The following ZFP64 variants were observed in gnomAD, a reference collection of about 807,000 sequenced individuals.
ZFP64 encodes the protein ZFP64 zinc finger protein.
A neutral mutation model predicts 51.6 loss-of-function variants in ZFP64; 14 were observed. That is an observed-to-expected ratio of 0.27 (90% CI 0.18 to 0.42). ZFP64 has a LOEUF of 0.42. ZFP64 is among the 10% of genes least tolerant of loss of function. The pLI, the probability that ZFP64 is intolerant of heterozygous loss-of-function variation, is 1.00. For missense variants in ZFP64, 754 were observed against 906.8 expected, an observed-to-expected ratio of 0.83 and a Z score of 2.16; for synonymous variants, 375 against 361.4, an observed-to-expected ratio of 1.04 and a Z score of -0.43.
At position 52,085,181 on chromosome 20, in the gene ZFP64, C is replaced by T; in HGVS notation, c.1314G>A (p.Gly438=). 2 of 1,614,230 alleles carry T rather than the reference C, an allele frequency of 1.2e-6. No individual in the cohort carries two copies. Among genetic ancestry groups the T allele is most frequent in the African/African-American group, 2.7e-5 (2 of 75,060 alleles). Reference sequence around the variant, plus strand: ...AGAACTCGCACTTGAAAGGCTTCTCCCCCGAGTGCACGATCATGTGCCTTT... The same window carrying T: ...AGAACTCGCACTTGAAAGGCTTCTCTCCCGAGTGCACGATCATGTGCCTTT... Residue 438 remains glycine (G), a synonymous_variant, in exon 9 of 9, where the codon GGG becomes GGA. Transcript: ENST00000361387. The surrounding 1 kb of genome is among the most constrained non-coding windows in gnomAD (Gnocchi z 4.3).
At chr20:52,101,517 GCAC>G (rs1200486042) in intron 5 of ZFP64, among the ~76,000 whole-genome samples, 4 of 152,284 alleles carry the variant, frequency 2.6e-5, no homozygotes, top group South Asian at 2.1e-4. Context: ...CCACAGGCAT[GCAC>G]CACCACATGC....
chr20:52,094,696 G>A (rs1042974162), intron 7 of ZFP64, among the ~76,000 whole-genome samples: 1 of 152,110 alleles, frequency 6.6e-6, no homozygotes, highest in Admixed American at 6.5e-5. Flanking sequence ...TTGCACTACT[G>A]CATTCCAGCC....
intron 5 of ZFP64, among the ~76,000 whole-genome samples, chr20:52,104,387 A>G (rs2079086969): frequency 6.6e-6 from 1 of 152,130 alleles, no homozygotes; most frequent in Admixed American, 6.5e-5. Flanking sequence ...TCCTTGCTAC[A>G]TCCTGTGTCC....
At chr20:52,156,178 T>C (rs1311640944) in intron 5 of ZFP64, among the ~76,000 whole-genome samples, 2 of 152,264 alleles carry the variant, frequency 1.3e-5, no homozygotes, top group African/African-American at 4.8e-5. Flanking sequence ...TATGCCAATG[T>C]CTGAACTTGC....
chr20:52,118,005 C>T (rs189719632), intron 5 of ZFP64, among the ~76,000 whole-genome samples: 10 of 152,100 alleles, frequency 6.6e-5, no homozygotes, highest in Non-Finnish European at 1.3e-4. Context: ...ACTACATTGC[C>T]CAGGCTGGTC....
intron 5 of ZFP64, among the ~76,000 whole-genome samples, chr20:52,139,500 G>C (rs1462390068): frequency 6.6e-6 from 1 of 152,138 alleles, no homozygotes; most frequent in Non-Finnish European, 1.5e-5. Flanking sequence ...GGTTCTACTT[G>C]AAGATGGAGG....
intron 2 of ZFP64, among the ~76,000 whole-genome samples, chr20:52,185,847 C>A (rs1318704399): frequency 5.3e-5 from 8 of 152,078 alleles, no homozygotes. Flanking sequence ...TCCCAAAGTG[C>A]TGGGATTACA....
chr20:52,109,767 C>T (rs187698828), intron 5 of ZFP64, among the ~76,000 whole-genome samples: 289 of 119,530 alleles, frequency 2.4e-3, no homozygotes, highest in African/African-American at 9.0e-3. Context: ...GGTGACACAG[C>T]GAAATTCCAC....
intron 5 of ZFP64, among the ~76,000 whole-genome samples, chr20:52,146,136 G>C (rs1433393207): frequency 6.6e-6 from 1 of 151,454 alleles, no homozygotes; most frequent in Non-Finnish European, 1.5e-5. Flanking sequence ...TGCAGGGTCA[G>C]GATCATCAAG....
rs1052756572 is a variant in ZFP64, at chr20:52,191,494, C to T, written c.46+97G>A. On this transcript the variant is annotated intron_variant, in intron 1 of 5. Transcript: ENST00000216923. The surrounding 1 kb of genome is among the most constrained non-coding windows in gnomAD (Gnocchi z 4.3). ...CGAGCCGTCACCCCGATTTCGGGGC[C>T]CCGGGCCTGCTGGCTGCGTCGCAGA... 6 of 1,368,192 alleles carry T rather than the reference C, an allele frequency of 4.4e-6. No homozygotes were observed. In the Admixed American group the frequency reaches 1.4e-4, roughly 31 times the overall value. 84.8% of individuals were successfully genotyped at this position (1,368,192 alleles called of 1,614,324 possible).
At chr20:52,173,483 G>C (rs1195490419) in intron 2 of ZFP64, among the ~76,000 whole-genome samples, 2 of 152,094 alleles carry the variant, frequency 1.3e-5, no homozygotes, top group Non-Finnish European at 2.9e-5. Context: ...AGCTAATTGT[G>C]GGGCTGAGGT....
At chr20:52,165,166 A>C (rs1188971901) in intron 3 of ZFP64, 1 of 458,802 alleles carries the variant, frequency 2.2e-6, no homozygotes, top group Admixed American at 2.3e-5. Context: ...CATTCTTTTG[A>C]TATTGGTAGA....
At chr20:52,105,363 C>G (rs1486478391) in intron 5 of ZFP64, 2 of 1,240,432 alleles carry the variant, frequency 1.6e-6, no homozygotes, top group Non-Finnish European at 2.0e-6. Flanking sequence ...GCTCATCAGC[C>G]GAGCAGGGCG....
In ZFP64 at chr20:52,084,436, G is replaced by A. The variant is rs1296263864; in HGVS notation, c.*121C>T. The A allele has an allele frequency of 5.0e-6, 5 of 993,650 alleles. No homozygotes were observed. In the East Asian group the frequency reaches 1.3e-4, roughly 26 times the overall value. The allele number at this position is 993,650 out of a possible 1,614,324, so 61.6% of individuals were successfully genotyped here. On this transcript the variant is annotated 3_prime_UTR_variant, in exon 9 of 9. Coordinates refer to the ZFP64 transcript ENST00000361387. ...GCCATCGCCTCTGAAGGCCTGTGAA[G>A]TTGGAGCGGCCAGCCCCAGAAGTGG...
intron 5 of ZFP64, among the ~76,000 whole-genome samples, chr20:52,125,647 G>C (rs7346642): frequency 0.2 from 30,362 of 152,146 alleles, 3,304 homozygotes; most frequent in Admixed American, 0.26. Context: ...GGAGTAGCTG[G>C]TGCCTGCCAG....
intron 7 of ZFP64, among the ~76,000 whole-genome samples, chr20:52,095,881 T>C (rs1398670422): frequency 6.6e-6 from 1 of 152,190 alleles, no homozygotes; most frequent in Non-Finnish European, 1.5e-5. Flanking sequence ...GAACAAGCAC[T>C]CAAGTTATTT....
rs566270337 is a variant in ZFP64, at chr20:52,118,440, C to T, written c.764-19853G>A. ...AGACTCCAGGGCAGGGTGTGGCAGG[C>T]CTGGAGTGGTCAGTGTCTTGCCTAC... is the stretch of plus-strand genomic sequence containing the variant. On this transcript the variant is annotated intron_variant, in intron 5 of 8. Transcript: ENST00000361387. Among the ~76,000 whole-genome samples the T allele has an allele frequency of 3.5e-4, 53 of 152,250 alleles. No homozygotes were observed. The South Asian group carries it at 0.011, about 31-fold the overall frequency.
In ZFP64 at chr20:52,164,742, G is replaced by A. The variant is rs979905043; in HGVS notation, c.464C>T (p.Thr155Ile). Residue 155 changes from threonine to isoleucine, a missense_variant, in exon 4 of 6, where the codon ACT becomes ATT. Physicochemically the swap from Thr to Ile is moderately conservative, Grantham distance 89. Around this residue, in one of 3 missense-constraint regions of ZFP64, gnomAD observed 231 missense variants for 336.7 expected, o/e 0.69. Coordinates refer to ENST00000216923, the MANE Select transcript of ZFP64 (RefSeq NM_018197.3). Reference protein sequence around the residue: ...NCCYPGCQFKTAYGMKDMERH... With the variant: ...NCCYPGCQFKIAYGMKDMERH... ...CTCCATGTCCTTCATGCCATAAGCA[G>A]TCTTGAATTGGCAACCTAAAAAAAA... 6.2e-7 allele frequency: 1 copy of A among 1,609,844 alleles called. No homozygotes were observed. Among genetic ancestry groups the A allele is most frequent in the Non-Finnish European group, 8.5e-7 (1 of 1,178,782 alleles).
chr20:52,182,928 T>C (rs1015902699), intron 2 of ZFP64, among the ~76,000 whole-genome samples: 1 of 152,146 alleles, frequency 6.6e-6, no homozygotes, highest in Non-Finnish European at 1.5e-5. Flanking sequence ...GTCATTCCTC[T>C]ATTAATCATT....
Sources: gnomAD v4.1 joint callset for allele counts (sites outside exome capture counted in the v4.1 genomes callset) on GRCh38, gnomAD v4.1.1 for gene constraint, gnomAD v4.1.1 regional missense constraint, Gnocchi (gnomAD v3.1) non-coding constraint, MANE v1.5 for transcripts, NCBI Gene and HGNC (gene_info 2026-07-23, HGNC 2026-07-21) for gene names.